Variants in HIVEP2 observed in about 807,000 individuals in gnomAD.
The protein encoded by HIVEP2 is transcription factor HIVEP2.
A neutral mutation model predicts 180.7 loss-of-function variants in HIVEP2; 14 were observed. That is an observed-to-expected ratio of 0.08 (90% CI 0.05 to 0.12). HIVEP2 has a LOEUF of 0.12. HIVEP2 is among the 10% of genes least tolerant of loss of function. The pLI is 1.00. For synonymous variants in HIVEP2, 1,184 were observed against 1,136.4 expected (o/e 1.04, Z -0.84); for missense variants, 2,579 against 3,008.5 (o/e 0.86, Z 3.34).
At chr6:142,766,645 C>T (rs1220716416) in intron 6 of HIVEP2, among the ~76,000 whole-genome samples, 4 of 152,074 alleles carry the variant, frequency 2.6e-5, no homozygotes, top group African/African-American at 7.2e-5. Context: ...GATTAACTTG[C>T]TTCCAGAATG....
chr6:142,882,629 GGGGGA>G (rs1249041406), intron 1 of HIVEP2, among the ~76,000 whole-genome samples: 2 of 151,380 alleles, frequency 1.3e-5, no homozygotes, highest in Admixed American at 1.3e-4. Flanking sequence ...AACAGAAAGG[GGGGGA>G]GGGGAGGGGA....
intron 1 of HIVEP2, among the ~76,000 whole-genome samples, chr6:142,901,660 C>G (rs1333449317): frequency 6.6e-6 from 1 of 152,100 alleles, no homozygotes; most frequent in African/African-American, 2.4e-5. Context: ...TTTTGATTTC[C>G]TACCTGGAAA....
At chr6:142,832,662 T>A (rs967041261) in intron 2 of HIVEP2, among the ~76,000 whole-genome samples, 1 of 152,186 alleles carries the variant, frequency 6.6e-6, no homozygotes, top group African/African-American at 2.4e-5. Flanking sequence ...GATCTCTATG[T>A]GGGGGATTTT....
intron 1 of HIVEP2, among the ~76,000 whole-genome samples, chr6:142,849,520 T>TA (rs71270337): frequency 0.28 from 41,659 of 149,632 alleles, 6,528 homozygotes; most frequent in South Asian, 0.38. Context: ...TTTATTTATT[T>TA]TTTTTTTTTT....
At position 142,899,992 on chromosome 6, in the gene HIVEP2, T is replaced by C. The variant is rs184199679; in HGVS notation, c.-641+45107A>G. Among the ~76,000 whole-genome samples the C allele has an allele frequency of 1.1e-4, 16 of 152,350 alleles. No homozygotes were observed. The East Asian group carries it at 3.1e-3, about 29-fold the overall frequency. ...TGATTCTTAGTGGAGAGAAATCTAT[T>C]AAGGTCTAAACCTTAATAAACCTTA... On this transcript the variant is annotated intron_variant, in intron 1 of 9. Transcript: ENST00000367603.
intron 9 of HIVEP2, among the ~76,000 whole-genome samples, chr6:142,758,749 G>T (rs1045750145): frequency 6.6e-6 from 1 of 152,156 alleles, no homozygotes; most frequent in Non-Finnish European, 1.5e-5. Flanking sequence ...ATCCATGGTG[G>T]TTACTGTTAT....
chr6:142,761,962 A>G (rs1441975838), intron 7 of HIVEP2, among the ~76,000 whole-genome samples: 4 of 152,166 alleles, frequency 2.6e-5, no homozygotes, highest in Non-Finnish European at 5.9e-5. Flanking sequence ...CACCTCAGAG[A>G]TACTTCAGAA....
chr6:142,818,707 G>GAAAGA (rs760149401), intron 2 of HIVEP2, among the ~76,000 whole-genome samples: 999 of 52,000 alleles, frequency 0.019, 30 homozygotes, highest in African/African-American at 0.027. Flanking sequence ...AAGAAAGAAA[G>GAAAGA]AAAGAAAGAA....
At chr6:142,877,871 G>A (rs1045525566) in intron 1 of HIVEP2, among the ~76,000 whole-genome samples, 1 of 152,152 alleles carries the variant, frequency 6.6e-6, no homozygotes, top group African/African-American at 2.4e-5. Flanking sequence ...CTATTCTTTA[G>A]CTTTTGTGAT....
Position 142,760,110 on chromosome 6 carries a change from G to A in HIVEP2, c.6178C>T (p.Pro2060Ser). 6.2e-7 allele frequency: 1 copy of A among 1,614,152 alleles called. No individual in the cohort carries two copies. The highest frequency in any genetic ancestry group is 2.2e-5 in the East Asian group (1 of 44,878). The change falls in exon 9 of 10, where the codon CCA becomes TCA. Residue 2060 changes from proline to serine, a missense_variant. Physicochemically the swap from Pro to Ser is moderately conservative, Grantham distance 74. Around this residue, in one of 11 missense-constraint regions of HIVEP2, gnomAD observed 660 missense variants for 731.7 expected, o/e 0.90. Transcript: ENST00000367603. ...YDSSPCRDNS[P>S]KRYLIPKGDL... ...CCTTTGGGTATCAGATACCTCTTTG[G>A]TGAATTATCTCGACAGGGTGAAGAA...
chr6:142,894,560 T>A (rs1776937205), intron 1 of HIVEP2, among the ~76,000 whole-genome samples: 1 of 152,206 alleles, frequency 6.6e-6, no homozygotes, highest in Non-Finnish European at 1.5e-5. Context: ...TACATAATAA[T>A]TTTTAAAAAC....
chr6:142,917,419 G>A (rs886077073), intron 1 of HIVEP2, among the ~76,000 whole-genome samples: 1 of 152,208 alleles, frequency 6.6e-6, no homozygotes, highest in African/African-American at 2.4e-5. Context: ...AGGTATGAAT[G>A]ACATCCACGT....
chr6:142,855,093 T>C (rs1250503452), intron 1 of HIVEP2, among the ~76,000 whole-genome samples: 1 of 152,220 alleles, frequency 6.6e-6, no homozygotes, highest in Non-Finnish European at 1.5e-5. Context: ...AGAAGGGAAT[T>C]GGCTCCAAAG....
At chr6:142,900,536 C>A (rs1777110255) in intron 1 of HIVEP2, among the ~76,000 whole-genome samples, 1 of 152,178 alleles carries the variant, frequency 6.6e-6, no homozygotes, top group Non-Finnish European at 1.5e-5. Flanking sequence ...AATTAAACAG[C>A]TCTCCCTGGA....
chr6:142,794,287 C>G (rs917643290), intron 2 of HIVEP2, among the ~76,000 whole-genome samples: 1 of 152,066 alleles, frequency 6.6e-6, no homozygotes, highest in Non-Finnish European at 1.5e-5. Context: ...AACAAACACA[C>G]AGATCTCAAT....
At chr6:142,902,668 A>G (rs1777160837) in intron 1 of HIVEP2, among the ~76,000 whole-genome samples, 1 of 152,202 alleles carries the variant, frequency 6.6e-6, no homozygotes, top group Non-Finnish European at 1.5e-5. Flanking sequence ...GACAGTGTGT[A>G]TATTTCCACT....
Position 142,775,042 on chromosome 6 carries a change from A to G in HIVEP2, c.-304T>C. 9.0e-7 allele frequency: 1 copy of G among 1,108,484 alleles called. No homozygotes were observed. Among genetic ancestry groups the G allele is most frequent in the Non-Finnish European group, 1.1e-6 (1 of 907,700 alleles). 68.7% of individuals were successfully genotyped at this position (1,108,484 alleles called of 1,614,324 possible). ...TTTGAAAATTTTCAACTAGGATGAA[A>G]TTGGGATGATGAATAGTCTAGGAGA... On this transcript the variant is annotated 5_prime_UTR_variant, in exon 5 of 10. Coordinates refer to ENST00000367603, the MANE Select transcript of HIVEP2 (RefSeq NM_006734.4).
intron 1 of HIVEP2, among the ~76,000 whole-genome samples, chr6:142,938,630 A>G (rs1291841645): frequency 6.6e-6 from 1 of 152,158 alleles, no homozygotes; most frequent in Non-Finnish European, 1.5e-5. Flanking sequence ...ACACGTGCAA[A>G]CCTGTACACA....
intron 2 of HIVEP2, among the ~76,000 whole-genome samples, chr6:142,785,758 A>C (rs1775983419): frequency 6.6e-6 from 1 of 152,200 alleles, no homozygotes; most frequent in African/African-American, 2.4e-5. Flanking sequence ...ATTGTAGATT[A>C]CAGAAGAGCC....
Sources: gnomAD v4.1 joint callset for allele counts (sites outside exome capture counted in the v4.1 genomes callset) on GRCh38, gnomAD v4.1.1 for gene constraint, gnomAD v4.1.1 regional missense constraint, MANE v1.5 for transcripts, NCBI Gene and HGNC (gene_info 2026-07-23, HGNC 2026-07-21) for gene names.